SPTSSB: variants seen among roughly 807,000 people sequenced by gnomAD.
The protein encoded by SPTSSB is androgen down regulated in mouse prostate.
In SPTSSB, 6 loss-of-function variants were observed where a neutral mutation model predicts 7.7. That is an observed-to-expected ratio of 0.78 (90% CI 0.43 to 1.54). The LOEUF is 1.54. Ranked by LOEUF, SPTSSB falls within the 40% of genes most tolerant of loss-of-function variation. The pLI is 0.01. For missense variants in SPTSSB, 91 were observed against 93.0 expected, an observed-to-expected ratio of 0.98 and a Z score of 0.09; for synonymous variants, 28 against 29.7, an observed-to-expected ratio of 0.94 and a Z score of 0.19.
intron 1 of SPTSSB, among the ~76,000 whole-genome samples, chr3:161,365,466 G>A (rs557465227): frequency 5.9e-5 from 9 of 152,298 alleles, no homozygotes; most frequent in South Asian, 2.1e-4. Flanking sequence ...GTGTCAGGTC[G>A]GCAAATCAGA....
At chr3:161,349,940 C>A (rs1714447697) in intron 2 of SPTSSB, among the ~76,000 whole-genome samples, 1 of 152,192 alleles carries the variant, frequency 6.6e-6, no homozygotes, top group Non-Finnish European at 1.5e-5. Flanking sequence ...GAAGTTACAT[C>A]TCCTCTCTCA....
At chr3:161,358,051 T>G (rs932831621) in intron 2 of SPTSSB, among the ~76,000 whole-genome samples, 4 of 146,970 alleles carry the variant, frequency 2.7e-5, no homozygotes, top group South Asian at 2.2e-4. Context: ...TTTGTTTTTT[T>G]TTTTTTTTTT....
At chr3:161,363,329 CTATT>C (rs1341247358) in intron 1 of SPTSSB, among the ~76,000 whole-genome samples, 1 of 151,550 alleles carries the variant, frequency 6.6e-6, no homozygotes, top group Non-Finnish European at 1.5e-5. Context: ...ATTTTCTTGA[CTATT>C]TGAGTGACAA....
intron 2 of SPTSSB, among the ~76,000 whole-genome samples, chr3:161,357,612 G>A (rs1346431693): frequency 1.3e-5 from 2 of 152,210 alleles, no homozygotes; most frequent in Non-Finnish European, 2.9e-5. Flanking sequence ...CAGTGAATAT[G>A]ACCTTTTTGG....
intron 2 of SPTSSB, 30 bp downstream of exon 2, chr3:161,359,772 G>T: frequency 1.0e-6 from 1 of 985,378 alleles, no homozygotes; most frequent in Non-Finnish European, 1.2e-6. Flanking sequence ...CTCAAAGCAA[G>T]TCTCCGTGAT....
chr3:161,353,281 G>T (rs919525461), intron 2 of SPTSSB, among the ~76,000 whole-genome samples: 2 of 152,078 alleles, frequency 1.3e-5, no homozygotes, highest in African/African-American at 4.8e-5. Context: ...AAAACTTTAA[G>T]CCACTTGCAA....
chr3:161,347,529 T>C lies in SPTSSB; in HGVS notation c.-32-1174A>G, dbSNP rs550129274. 2.0e-5 allele frequency among the ~76,000 whole-genome samples: 3 copies of C among 152,116 alleles called. No individual in the cohort carries two copies. In the South Asian group the frequency reaches 6.2e-4, roughly 32 times the overall value. Reference sequence around the variant, plus strand: ...TGCCCGCCTCAGCCTCTCAAAGTGCTGGGATGACAGGCATAAGCCACTGTA... The same window carrying C: ...TGCCCGCCTCAGCCTCTCAAAGTGCCGGGATGACAGGCATAAGCCACTGTA... On this transcript the variant is annotated intron_variant, in intron 2 of 2. Coordinates refer to ENST00000620149, the MANE Select transcript of SPTSSB (RefSeq NM_001040100.2).
intron 2 of SPTSSB, among the ~76,000 whole-genome samples, chr3:161,347,381 C>T (rs1224082058): frequency 6.6e-6 from 1 of 151,940 alleles, no homozygotes; most frequent in Admixed American, 6.5e-5. Context: ...CCTCAGTCTC[C>T]TGAGTAGTTG....
rs1049648687 is a variant in SPTSSB, at chr3:161,345,891, C to A, written c.*202G>T. ...GTAAAGTCACTGTATTATCTCCGGTCTAAAGCACAATGTAGCATGTGCAAA... is the reference window on the plus strand; with the variant it reads ...GTAAAGTCACTGTATTATCTCCGGTATAAAGCACAATGTAGCATGTGCAAA... On this transcript the variant is annotated 3_prime_UTR_variant, in exon 3 of 3. Transcript: ENST00000620149. 2.1e-5 allele frequency: 10 copies of A among 470,394 alleles called. No individual in the cohort carries two copies. Among genetic ancestry groups the A allele is most frequent in the Middle Eastern group, 5.6e-4 (1 of 1,792 alleles). The allele number at this position is 470,394 out of a possible 1,614,324, so 29.1% of individuals were successfully genotyped here.
At chr3:161,361,410 T>C (rs1427176221) in intron 1 of SPTSSB, among the ~76,000 whole-genome samples, 2 of 152,170 alleles carry the variant, frequency 1.3e-5, no homozygotes, top group African/African-American at 4.8e-5. Context: ...GATTCTAAGA[T>C]AGTATTTCTA....
intron 1 of SPTSSB, among the ~76,000 whole-genome samples, chr3:161,369,314 C>CTTTCTTTCTTTCTTTCTCTTTCTT (rs1278233391): frequency 1.1e-4 from 7 of 65,726 alleles, no homozygotes; most frequent in African/African-American, 5.4e-4. Context: ...TTCTTTCTTT[C>CTTTCTTTCTTTCTTTCTCTTTCTT]TCTTTCTTTC....
chr3:161,357,892 C>T (rs1379931651), intron 2 of SPTSSB, among the ~76,000 whole-genome samples: 1 of 152,126 alleles, frequency 6.6e-6, no homozygotes, highest in Non-Finnish European at 1.5e-5. Context: ...GACTTCTAGC[C>T]TTTGGGAGTA....
At chr3:161,354,475 G>T (rs909735946) in intron 2 of SPTSSB, among the ~76,000 whole-genome samples, 23 of 152,190 alleles carry the variant, frequency 1.5e-4, no homozygotes, top group African/African-American at 4.8e-4. Flanking sequence ...CCAAGTAGCT[G>T]GGACTATTGG....
intron 1 of SPTSSB, among the ~76,000 whole-genome samples, chr3:161,368,469 C>T (rs1053277856): frequency 8.0e-5 from 12 of 150,542 alleles, no homozygotes; most frequent in Non-Finnish European, 1.5e-4. Flanking sequence ...CTCTGTCGCC[C>T]AGGCTGGAGT....
chr3:161,364,678 A>C (rs1258437543), intron 1 of SPTSSB, among the ~76,000 whole-genome samples: 3 of 150,938 alleles, frequency 2.0e-5, no homozygotes, highest in Non-Finnish European at 4.4e-5. Flanking sequence ...TATATATATA[A>C]TATATATTTA....
Position 161,346,105 on chromosome 3 carries a change from T to C in SPTSSB, c.219A>G (p.Thr73=), listed in dbSNP as rs956129874. The change falls in exon 3 of 3, where the codon ACA becomes ACG. Residue 73 remains threonine (T), a synonymous_variant. Transcript: ENST00000620149. ...AATGTGAACAGGATCAATTAGAAAT[T>C]GTACTGTGATATCCACATATTTTTG... The part of the protein sequence containing the change: ...FFSKICGYHS[T]ISN 7.8e-6 allele frequency: 12 copies of C among 1,548,006 alleles called. No homozygotes were observed. Among genetic ancestry groups the C allele is most frequent in the Non-Finnish European group, 1.1e-5 (12 of 1,119,702 alleles).
intron 1 of SPTSSB, among the ~76,000 whole-genome samples, chr3:161,368,039 A>G (rs1715290840): frequency 6.6e-6 from 1 of 152,224 alleles, no homozygotes; most frequent in Non-Finnish European, 1.5e-5. Flanking sequence ...ACTTAATTCT[A>G]AGTGGAGAAA....
At position 161,346,366 on chromosome 3, in the gene SPTSSB, A is replaced by C; in HGVS notation, c.-32-11T>G. 3 of 1,336,620 alleles carry C rather than the reference A, an allele frequency of 2.2e-6. No homozygotes were observed. The highest frequency in any genetic ancestry group is 2.2e-6 in the Non-Finnish European group (2 of 927,722). The allele number at this position is 1,336,620 out of a possible 1,614,324, so 82.8% of individuals were successfully genotyped here. The stretch of plus-strand genomic sequence containing the variant: ...TGCAGTAAGTTTGTCCTGTTAAAGA[A>C]TGTAACAGATTAGAGGATGAGGAAC... On this transcript the variant is annotated splice_polypyrimidine_tract_variant and intron_variant, in intron 2 of 2. Transcript: ENST00000620149.
intron 1 of SPTSSB, among the ~76,000 whole-genome samples, chr3:161,365,113 ATATT>A (rs1482031417): frequency 6.6e-6 from 1 of 152,220 alleles, no homozygotes; most frequent in Non-Finnish European, 1.5e-5. Context: ...ATAGTAGCAG[ATATT>A]TATTGAGCAA....
Sources: allele counts gnomAD v4.1 joint callset (sites outside exome capture counted in the v4.1 genomes callset), GRCh38; gene constraint gnomAD v4.1.1; transcripts MANE v1.5; gene names NCBI Gene and HGNC (gene_info 2026-07-23, HGNC 2026-07-21).